The following INPP5D variants were observed in gnomAD, a reference collection of about 807,000 sequenced individuals.
INPP5D encodes the protein inositol polyphosphate-5-phosphatase D.
A neutral mutation model predicts 122.9 loss-of-function variants in INPP5D; 33 were observed. That is an observed-to-expected ratio of 0.27 (90% CI 0.20 to 0.36). The LOEUF is 0.36. INPP5D is among the 10% of genes least tolerant of loss of function. The pLI is 1.00. For missense variants in INPP5D, 1,053 were observed against 1,412.7 expected, an observed-to-expected ratio of 0.75 and a Z score of 4.08; for synonymous variants, 584 against 576.2, an observed-to-expected ratio of 1.01 and a Z score of -0.19.
intron 18 of INPP5D, among the ~76,000 whole-genome samples, chr2:233,181,989 G>C (rs942948587): frequency 2.6e-5 from 4 of 152,156 alleles, no homozygotes; most frequent in African/African-American, 9.7e-5. Flanking sequence ...CCAGCTACTC[G>C]GGTGGCTGAG....
chr2:233,170,913 A>G lies in INPP5D; in HGVS notation c.1901-151A>G. The G allele has an allele frequency of 8.2e-7, 1 of 1,215,854 alleles. No individual in the cohort carries two copies. 75.3% of individuals were successfully genotyped at this position (1,215,854 alleles called of 1,614,324 possible). A position where few individuals can be genotyped will look rare whatever the true frequency, so the allele number is the denominator to read the frequency against. ...AAAGACAGACTCCGTCTCAAAAAAA[A>G]AAAAAAAAAAAGCAGCAGCCTCTCC... On this transcript the variant is annotated intron_variant, in intron 16 of 26. Coordinates refer to ENST00000445964, the MANE Select transcript of INPP5D (RefSeq NM_001017915.3). This position sits in a 1 kb window ranked among gnomAD's most constrained non-coding sequence, Gnocchi z 4.5.
intron 9 of INPP5D, among the ~76,000 whole-genome samples, chr2:233,152,254 C>T (rs1693942436): frequency 1.3e-5 from 2 of 152,134 alleles, no homozygotes; most frequent in South Asian, 2.1e-4. Context: ...GAGCGGTGCT[C>T]GCCTGGAGGG....
In INPP5D at chr2:233,105,419, G is replaced by A. The variant is rs1281512982; in HGVS notation, c.199-16688G>A. On this transcript the variant is annotated intron_variant, in intron 2 of 26. Coordinates refer to ENST00000445964, the MANE Select transcript of INPP5D (RefSeq NM_001017915.3). This position sits in a 1 kb window ranked among gnomAD's most constrained non-coding sequence, Gnocchi z 4.0. ...TCTCAGCTGCAGAGTAGCTTCTTTGGTGAATCCTTCCCTGATCCACCAGGC... is the reference window on the plus strand; with the variant it reads ...TCTCAGCTGCAGAGTAGCTTCTTTGATGAATCCTTCCCTGATCCACCAGGC... 2.0e-5 allele frequency among the ~76,000 whole-genome samples: 3 copies of A among 152,124 alleles called. No homozygotes were observed. Among genetic ancestry groups the A allele is most frequent in the African/African-American group, 7.2e-5 (3 of 41,414 alleles).
At chr2:233,204,821 C>CACAT in intron 26 of INPP5D, 104 bp downstream of exon 26, 1 of 1,410,514 alleles carries the variant, frequency 7.1e-7, no homozygotes, top group Non-Finnish European at 9.3e-7. Flanking sequence ...TGTGTGCACG[C>CACAT]ATGCATATGT....
In INPP5D at chr2:233,204,192, C is replaced by T. The variant is rs760292105; in HGVS notation, c.3042C>T (p.Pro1014=). 9 of 1,611,536 alleles carry T rather than the reference C, an allele frequency of 5.6e-6. No individual in the cohort carries two copies. The Admixed American group carries it at 8.4e-5, about 15-fold the overall frequency. ...LPQEDLPLTK[P]EMFENPLYGS... ...AGGAGGACCTGCCGCTGACGAAGCC[C>T]GAGATGTTTGAGAACCCCCTGTATG... is the stretch of plus-strand genomic sequence containing the variant. The change falls in exon 26 of 27, where the codon CCC becomes CCT. Residue 1014 remains proline (P), a synonymous_variant. Coordinates refer to ENST00000445964, the MANE Select transcript of INPP5D (RefSeq NM_001017915.3).
chr2:233,155,270 G>A (rs762971357), intron 9 of INPP5D, among the ~76,000 whole-genome samples: 2 of 152,096 alleles, frequency 1.3e-5, no homozygotes, highest in African/African-American at 4.8e-5. Context: ...GCTCCGAAAA[G>A]GCAAAACAAA....
In INPP5D at chr2:233,177,463, C is replaced by A; in HGVS notation, c.2071+117C>A. On this transcript the variant is annotated intron_variant, in intron 18 of 26. Transcript: ENST00000445964. The surrounding 1 kb of genome is among the most constrained non-coding windows in gnomAD (Gnocchi z 4.2). ...TGTTGATGTGTCAAAGGGAGGAATT[C>A]ACTGTAACCCTAATCAGGCGACCTG... 6.5e-7 allele frequency: 1 copy of A among 1,538,002 alleles called. No homozygotes were observed. The highest frequency in any genetic ancestry group is 1.2e-5 in the South Asian group (1 of 86,048).
intron 2 of INPP5D, among the ~76,000 whole-genome samples, chr2:233,110,996 T>C (rs970313601): frequency 6.6e-6 from 1 of 152,092 alleles, no homozygotes; most frequent in Non-Finnish European, 1.5e-5. Context: ...ATTTGACTTA[T>C]AGAACATTTT....
In INPP5D at chr2:233,183,651, G is replaced by A. The variant is rs921131648; in HGVS notation, c.2162-757G>A. Among the ~76,000 whole-genome samples the A allele has an allele frequency of 1.3e-5, 2 of 152,204 alleles. No individual in the cohort carries two copies. The highest frequency in any genetic ancestry group is 2.9e-5 in the Non-Finnish European group (2 of 68,034). The stretch of plus-strand genomic sequence containing the variant: ...TCAGGCTGGGCTTCCCTCCACGGGG[G>A]ATCAGTACACAGCAGATGCTGGAAA... On this transcript the variant is annotated intron_variant, in intron 19 of 26. Transcript: ENST00000445964. This position sits in a 1 kb window ranked among gnomAD's most constrained non-coding sequence, Gnocchi z 4.6.
At chr2:233,092,045 G>A (rs1014119875) in intron 2 of INPP5D, among the ~76,000 whole-genome samples, 3 of 152,234 alleles carry the variant, frequency 2.0e-5, no homozygotes, top group African/African-American at 4.8e-5. Context: ...TTCCTGTTCC[G>A]AAATTATCTG....
intron 2 of INPP5D, among the ~76,000 whole-genome samples, chr2:233,099,705 A>G (rs141297555): frequency 1.3e-5 from 2 of 152,234 alleles, no homozygotes; most frequent in African/African-American, 4.8e-5. Context: ...AGATTTCTAC[A>G]TAATAATCTG....
At chr2:233,184,824 T>C (rs528676453) in intron 20 of INPP5D, among the ~76,000 whole-genome samples, 2 of 152,184 alleles carry the variant, frequency 1.3e-5, no homozygotes, top group South Asian at 4.1e-4. Context: ...CCACTCTAGG[T>C]TCCCTGCAAG....
chr2:233,137,215 G>A (rs1251001693), intron 5 of INPP5D, among the ~76,000 whole-genome samples: 12 of 59,132 alleles, frequency 2.0e-4, no homozygotes, highest in Admixed American at 8.9e-4. Flanking sequence ...CATGAAAAAT[G>A]GAGGCTTTAT....
chr2:233,068,535 C>T (rs1018520734), intron 1 of INPP5D, among the ~76,000 whole-genome samples: 2 of 151,060 alleles, frequency 1.3e-5, no homozygotes, highest in Non-Finnish European at 3.0e-5. Flanking sequence ...GTGGAGGTTG[C>T]AGTGAGCCGA....
At chr2:233,067,388 GCTGA>G (rs1691259574) in intron 1 of INPP5D, among the ~76,000 whole-genome samples, 1 of 152,184 alleles carries the variant, frequency 6.6e-6, no homozygotes, top group Admixed American at 6.5e-5. Context: ...CCTCTCCAGG[GCTGA>G]CTAATGAGCC....
chr2:233,117,374 CCATTTGCTCCCCAGTT>C (rs1692831930), intron 2 of INPP5D, among the ~76,000 whole-genome samples: 1 of 152,192 alleles, frequency 6.6e-6, no homozygotes, highest in Non-Finnish European at 1.5e-5. Flanking sequence ...TGAGCATCTT[CCATTTGCTCCCCAGTT>C]CATTCGCTTC....
intron 9 of INPP5D, among the ~76,000 whole-genome samples, chr2:233,151,574 C>A (rs1338295157): frequency 6.6e-6 from 1 of 152,196 alleles, no homozygotes; most frequent in Non-Finnish European, 1.5e-5. Context: ...ACTCTGCAGG[C>A]CCCAGCTCGG....
chr2:233,180,452 G>T (rs1694754448), intron 18 of INPP5D, among the ~76,000 whole-genome samples: 1 of 151,800 alleles, frequency 6.6e-6, no homozygotes, highest in South Asian at 2.1e-4. Context: ...CCTGTGCTCA[G>T]CCTGACTCCC....
At chr2:233,173,175 T>C (rs866184517) in intron 17 of INPP5D, among the ~76,000 whole-genome samples, 39 of 144,566 alleles carry the variant, frequency 2.7e-4, no homozygotes, top group Middle Eastern at 3.8e-3. Flanking sequence ...CGCCATTGCA[T>C]GCCAGCCTGG....
Sources: allele counts gnomAD v4.1 joint callset (sites outside exome capture counted in the v4.1 genomes callset), GRCh38; gene constraint gnomAD v4.1.1; non-coding constraint Gnocchi (gnomAD v3.1); transcripts MANE v1.5; gene names NCBI Gene and HGNC (gene_info 2026-07-23, HGNC 2026-07-21).